The following CTNNA2 variants were observed in gnomAD, a reference collection of about 807,000 sequenced individuals.
CTNNA2 encodes the protein catenin alpha-2.
CTNNA2 carries 42 observed loss-of-function variants against 101.0 expected under a neutral mutation model. The ratio of observed to expected loss-of-function variants is 0.42; its 90% CI spans 0.32 to 0.54. The LOEUF is 0.54. Among genes scored for constraint, CTNNA2 ranks in the 20% least tolerant of loss-of-function variants. The pLI, the probability that CTNNA2 is intolerant of heterozygous loss-of-function variation, is 0.14. For missense variants in CTNNA2, 871 were observed against 1,223.1 expected (o/e 0.71, Z 4.29); for synonymous variants, 450 against 456.4 (o/e 0.99, Z 0.18).
intron 9 of CTNNA2, among the ~76,000 whole-genome samples, chr2:80,490,285 C>CT (rs758200774): frequency 3.6e-5 from 3 of 83,168 alleles, no homozygotes; most frequent in Admixed American, 1.8e-4. Context: ...CCCCCACCCC[C>CT]CCCCCGGTAA....
chr2:80,313,611 A>C, intron 7 of CTNNA2: 1 of 1,611,532 alleles, frequency 6.2e-7, no homozygotes, highest in South Asian at 1.1e-5. Context: ...GTCTGTGAAA[A>C]AAATATGAAG....
At chr2:80,341,955 T>G (rs930006679) in intron 7 of CTNNA2, among the ~76,000 whole-genome samples, 12 of 152,218 alleles carry the variant, frequency 7.9e-5, no homozygotes, top group Admixed American at 5.9e-4. Context: ...TAGTAATGCA[T>G]GCTACAACAT....
At chr2:80,464,898 A>C (rs529387505) in intron 9 of CTNNA2, among the ~76,000 whole-genome samples, 1 of 152,302 alleles carries the variant, frequency 6.6e-6, no homozygotes, top group South Asian at 2.1e-4. Flanking sequence ...AGCTGGTGTT[A>C]AAATTCAGGC....
intron 1 of CTNNA2, among the ~76,000 whole-genome samples, chr2:79,195,601 A>G (rs1255542152): frequency 6.6e-6 from 1 of 152,170 alleles, no homozygotes; most frequent in Non-Finnish European, 1.5e-5. Context: ...TGTTGTACTC[A>G]CAGAATCAGA....
At chr2:80,330,177 T>C (rs1442124230) in intron 7 of CTNNA2, among the ~76,000 whole-genome samples, 2 of 152,268 alleles carry the variant, frequency 1.3e-5, no homozygotes, top group Non-Finnish European at 2.9e-5. Context: ...TCGGAATTCA[T>C]TGTGGAGCTA....
rs535124920 is a variant in CTNNA2, at chr2:80,542,779, T to C, written c.1291-2203T>C. On this transcript the variant is annotated intron_variant, in intron 9 of 18. Transcript: ENST00000402739. ...ATCACTATTTCATAGAATGAGAGGT[T>C]GTTCAAAAGCAGATATAGGAAAAAT... is the stretch of plus-strand genomic sequence containing the variant. Among the ~76,000 whole-genome samples the C allele has an allele frequency of 3.7e-4, 57 of 152,272 alleles. 1 individual carries two copies. In the South Asian group the frequency reaches 3.9e-3, roughly 11 times the overall value.
intron 1 of CTNNA2, among the ~76,000 whole-genome samples, chr2:79,529,491 T>C (rs948363935): frequency 2.0e-5 from 3 of 151,848 alleles, no homozygotes; most frequent in Non-Finnish European, 4.4e-5. Flanking sequence ...AATTTTAGAG[T>C]GAAACAGGAG....
chr2:79,672,061 G>A (rs901837824), intron 2 of CTNNA2, among the ~76,000 whole-genome samples: 2 of 151,604 alleles, frequency 1.3e-5, no homozygotes, highest in African/African-American at 4.8e-5. Flanking sequence ...TTATTTTTAG[G>A]CTGTGCTTCA....
chr2:79,736,125 G>C (rs1303723138), intron 2 of CTNNA2, among the ~76,000 whole-genome samples: 1 of 152,232 alleles, frequency 6.6e-6, no homozygotes, highest in African/African-American at 2.4e-5. Context: ...AAATAAGTCT[G>C]TATTGTCACC....
At chr2:80,202,115 A>G (rs1707247347) in intron 7 of CTNNA2, among the ~76,000 whole-genome samples, 1 of 152,160 alleles carries the variant, frequency 6.6e-6, no homozygotes, top group Admixed American at 6.5e-5. Flanking sequence ...TCAGCAGAAT[A>G]TGCATATGAC....
chr2:79,284,520 T>C (rs1370610579), intron 2 of CTNNA2, among the ~76,000 whole-genome samples: 1 of 151,868 alleles, frequency 6.6e-6, no homozygotes, highest in Non-Finnish European at 1.5e-5. Context: ...GAGATAATCA[T>C]GTGGTTTTTG....
chr2:79,654,097 C>T (rs1394169627), intron 2 of CTNNA2, among the ~76,000 whole-genome samples: 1 of 152,098 alleles, frequency 6.6e-6, no homozygotes, highest in Non-Finnish European at 1.5e-5. Flanking sequence ...ACCAGCAGAG[C>T]CTTTAACCAA....
rs116336659 is a variant in CTNNA2, at chr2:80,198,022, T to A, written c.1057-195189T>A. Among the ~76,000 whole-genome samples, 694 of 152,272 alleles carry A rather than the reference T, an allele frequency of 4.6e-3. 6 individuals carry two copies. The highest frequency in any genetic ancestry group is 0.016 in the African/African-American group (658 of 41,538). On this transcript the variant is annotated intron_variant, in intron 7 of 18. Transcript: ENST00000402739. ...GACTGTGGCAATAGTCACTCTGAAA[T>A]ACTAGCAGGGCTCACAATATAAGAA...
At chr2:79,224,830 G>A (rs1167710661) in intron 2 of CTNNA2, among the ~76,000 whole-genome samples, 3 of 150,404 alleles carry the variant, frequency 2.0e-5, no homozygotes, top group Non-Finnish European at 3.0e-5. Flanking sequence ...TATAAATTAA[G>A]TTTGACTGTT....
chr2:79,999,116 C>T (rs1219415390), intron 7 of CTNNA2, among the ~76,000 whole-genome samples: 2 of 152,066 alleles, frequency 1.3e-5, no homozygotes, highest in African/African-American at 4.8e-5. Flanking sequence ...TGAGCCTTGG[C>T]CTTAGGCCTA....
intron 7 of CTNNA2, among the ~76,000 whole-genome samples, chr2:80,308,226 A>G (rs769303414): frequency 4.6e-5 from 7 of 152,164 alleles, no homozygotes; most frequent in African/African-American, 7.2e-5. Flanking sequence ...TAGTCAAAAT[A>G]ATTTGTGAAC....
In CTNNA2 at chr2:79,239,497, G is replaced by A. The variant is rs1674596235; in HGVS notation, c.-406+41421G>A. 2.0e-5 allele frequency among the ~76,000 whole-genome samples: 3 copies of A among 152,176 alleles called. No homozygotes were observed. The South Asian group carries it at 6.2e-4, about 32-fold the overall frequency. On this transcript the variant is annotated intron_variant, in intron 2 of 21. Transcript: ENST00000466387. ...ATCATGCCACTGCACTCCAGCCTGG[G>A]TGACAGAGAAAGACTCCAGCTCAAA...
chr2:79,442,517 T>C (rs776150538), intron 4 of CTNNA2, among the ~76,000 whole-genome samples: 7 of 152,328 alleles, frequency 4.6e-5, no homozygotes, highest in Middle Eastern at 3.4e-3. Context: ...CCAATCTTAT[T>C]TGAGAAATTA....
intron 2 of CTNNA2, among the ~76,000 whole-genome samples, chr2:79,674,666 A>G (rs1288464012): frequency 6.6e-6 from 1 of 152,204 alleles, no homozygotes; most frequent in African/African-American, 2.4e-5. Flanking sequence ...ATGTAAGCGA[A>G]CAGATGAAAG....
Sources: gnomAD v4.1 joint callset for allele counts (sites outside exome capture counted in the v4.1 genomes callset) on GRCh38, gnomAD v4.1.1 for gene constraint, MANE v1.5 for transcripts, NCBI Gene and HGNC (gene_info 2026-07-23, HGNC 2026-07-21) for gene names.